The following DAB1 variants were observed in gnomAD, a reference collection of about 807,000 sequenced individuals.
The protein encoded by DAB1 is disabled homolog 1.
DAB1 carries 15 observed loss-of-function variants against 64.6 expected under a neutral mutation model. That is an observed-to-expected ratio of 0.23 (90% CI 0.16 to 0.36). The LOEUF (loss-of-function observed/expected upper bound fraction) is 0.36. Among genes scored for constraint, DAB1 ranks in the 10% least tolerant of loss-of-function variants. The pLI, the probability that DAB1 is intolerant of heterozygous loss-of-function variation, is 1.00. For synonymous variants in DAB1, 235 were observed against 251.9 expected (o/e 0.93, Z 0.64); for missense variants, 596 against 706.7 (o/e 0.84, Z 1.78).
At chr1:58,513,313 C>G (rs1389510977) in intron 2 of DAB1, among the ~76,000 whole-genome samples, 1 of 152,182 alleles carries the variant, frequency 6.6e-6, no homozygotes, top group East Asian at 1.9e-4. Flanking sequence ...CCTCCCCAGC[C>G]ATGGAGAACT....
chr1:57,755,763 T>C (rs11812010), intron 6 of DAB1, among the ~76,000 whole-genome samples: 2,275 of 152,262 alleles, frequency 0.015, 71 homozygotes, highest in African/African-American at 0.052. Context: ...CCAAAGACTC[T>C]CTAAATCCCA....
At chr1:58,346,235 C>A (rs999449601) in intron 3 of DAB1, among the ~76,000 whole-genome samples, 1 of 152,194 alleles carries the variant, frequency 6.6e-6, no homozygotes, top group South Asian at 2.1e-4. Context: ...TGGCTAGAAG[C>A]GGAAATGAAG....
At chr1:57,445,414 T>G (rs1318932387) in intron 7 of DAB1, among the ~76,000 whole-genome samples, 1 of 152,154 alleles carries the variant, frequency 6.6e-6, no homozygotes, top group Non-Finnish European at 1.5e-5. Context: ...ACTTATATAG[T>G]TCCCATACCA....
intron 2 of DAB1, among the ~76,000 whole-genome samples, chr1:57,153,696 G>A (rs1659926044): frequency 6.6e-6 from 1 of 152,026 alleles, no homozygotes; most frequent in Non-Finnish European, 1.5e-5. Flanking sequence ...GGAGGGCAGT[G>A]GCGCAATCTC....
At chr1:57,602,073 G>C (rs1645581914) in intron 7 of DAB1, among the ~76,000 whole-genome samples, 1 of 152,112 alleles carries the variant, frequency 6.6e-6, no homozygotes, top group Non-Finnish European at 1.5e-5. Context: ...TTAACATTTT[G>C]AGACTCAAAA....
At chr1:58,396,928 A>G (rs1051206366) in intron 3 of DAB1, among the ~76,000 whole-genome samples, 4 of 151,992 alleles carry the variant, frequency 2.6e-5, no homozygotes, top group African/African-American at 4.8e-5. Context: ...AGCCGGGCGT[A>G]GTGGTGGGCT....
At chr1:57,411,852 C>G (rs1371971345) in intron 1 of DAB1, among the ~76,000 whole-genome samples, 2 of 152,300 alleles carry the variant, frequency 1.3e-5, no homozygotes, top group African/African-American at 4.8e-5. Flanking sequence ...CAAATGAGAG[C>G]CTGTGAAGCA....
At chr1:57,662,478 G>A (rs753951218) in intron 6 of DAB1, among the ~76,000 whole-genome samples, 105 of 152,350 alleles carry the variant, frequency 6.9e-4, no homozygotes, top group Admixed American at 4.2e-3. Flanking sequence ...TTACAGGCGT[G>A]AGCCACCACG....
At chr1:57,148,039 C>T (rs1357449940) in intron 2 of DAB1, among the ~76,000 whole-genome samples, 1 of 152,090 alleles carries the variant, frequency 6.6e-6, no homozygotes, top group Non-Finnish European at 1.5e-5. Flanking sequence ...TTATCTTGAC[C>T]AAAACTCACC....
Position 57,184,984 on chromosome 1 carries a change from G to A in DAB1, c.68-39555C>T, listed in dbSNP as rs74074154. On this transcript the variant is annotated intron_variant, in intron 2 of 14. Coordinates refer to ENST00000371236, the MANE Select transcript of DAB1 (RefSeq NM_001365792.1). ...TGGACAAACAGGGATCACAACATTC[G>A]TAAACTCACTGACTCTCATCCTGAG... Among the ~76,000 whole-genome samples the A allele has an allele frequency of 3.6e-3, 547 of 152,126 alleles. 3 individuals carry two copies. Among genetic ancestry groups the A allele is most frequent in the African/African-American group, 0.012 (518 of 41,492 alleles).
At chr1:57,629,095 T>TGCATACAATTATATAAGTA (rs1553201755) in intron 7 of DAB1, among the ~76,000 whole-genome samples, 3 of 152,216 alleles carry the variant, frequency 2.0e-5, no homozygotes, top group African/African-American at 7.2e-5. Context: ...TATGTAACAA[T>TGCATACAATTATATAAGTA]GCATACAATT....
chr1:58,080,949 A>T (rs1649959199), intron 5 of DAB1, among the ~76,000 whole-genome samples: 1 of 152,234 alleles, frequency 6.6e-6, no homozygotes, highest in African/African-American at 2.4e-5. Context: ...AACACTAGCA[A>T]CATGCCAAGG....
At chr1:58,078,519 C>T (rs1649792387) in intron 5 of DAB1, among the ~76,000 whole-genome samples, 2 of 152,122 alleles carry the variant, frequency 1.3e-5, no homozygotes, top group Admixed American at 6.5e-5. Context: ...TGTTCTCTCC[C>T]TTGAGCCTAA....
At chr1:57,290,849 A>C (rs1245045772) in intron 2 of DAB1, 115 bp downstream of exon 2, 6 of 581,678 alleles carry the variant, frequency 1.0e-5, no homozygotes, top group Non-Finnish European at 1.8e-5. Flanking sequence ...ACACAAAATA[A>C]CTATTTAAAA....
At chr1:57,511,826 T>C (rs1047778987) in intron 7 of DAB1, among the ~76,000 whole-genome samples, 5 of 152,130 alleles carry the variant, frequency 3.3e-5, no homozygotes, top group Non-Finnish European at 7.3e-5. Flanking sequence ...TCTGGCAAAG[T>C]CACATTTACC....
At chr1:57,378,909 C>T (rs1681130071) in intron 1 of DAB1, among the ~76,000 whole-genome samples, 1 of 152,136 alleles carries the variant, frequency 6.6e-6, no homozygotes, top group Non-Finnish European at 1.5e-5. Context: ...CAAACATTTC[C>T]TACCTTTGAT....
intron 1 of DAB1, chr1:57,878,184 C>G (rs1458435753): frequency 6.6e-6 from 1 of 152,162 alleles, no homozygotes; most frequent in Non-Finnish European, 1.5e-5. Flanking sequence ...TGAAGAACTT[C>G]AGTAAAATCT....
chr1:57,120,326 A>G (rs1319721904), intron 4 of DAB1, among the ~76,000 whole-genome samples: 1 of 152,178 alleles, frequency 6.6e-6, no homozygotes, highest in Admixed American at 6.5e-5. Context: ...AGCACCTTCT[A>G]TCTACAAGGT....
intron 7 of DAB1, among the ~76,000 whole-genome samples, chr1:57,446,906 G>T (rs1315682921): frequency 1.3e-5 from 2 of 152,022 alleles, no homozygotes; most frequent in African/African-American, 2.4e-5. Flanking sequence ...AAGTATCCTT[G>T]GGACTGGAGC....
Sources: gnomAD v4.1 joint callset for allele counts (sites outside exome capture counted in the v4.1 genomes callset) on GRCh38, gnomAD v4.1.1 for gene constraint, MANE v1.5 for transcripts, NCBI Gene and HGNC (gene_info 2026-07-23, HGNC 2026-07-21) for gene names.